Variants in SPNS2 observed in about 807,000 individuals in gnomAD.
SPNS2 encodes sphingosine-1-phosphate transporter SPNS2.
SPNS2 carries 37 observed loss-of-function variants against 57.6 expected under a neutral mutation model. That is an observed-to-expected ratio of 0.64 (90% CI 0.49 to 0.85). The LOEUF (loss-of-function observed/expected upper bound fraction) is 0.85. SPNS2 is among the 40% of genes least tolerant of loss of function. The pLI, the probability that SPNS2 is intolerant of heterozygous loss-of-function variation, is 0.00. For missense variants in SPNS2, 831 were observed against 779.1 expected (o/e 1.07, Z -0.79); for synonymous variants, 440 against 346.9 (o/e 1.27, Z -2.98).
intron 2 of SPNS2, among the ~76,000 whole-genome samples, chr17:4,518,865 C>G (rs1386850809): frequency 6.6e-6 from 1 of 152,220 alleles, no homozygotes; most frequent in African/African-American, 2.4e-5. Flanking sequence ...CCCCAAAGCC[C>G]TCCTTTTCAA....
rs1462112545 is a variant in SPNS2, at chr17:4,538,948, T to C, written c.*1500T>C. On this transcript the variant is annotated 3_prime_UTR_variant, in exon 13 of 13. Transcript: ENST00000329078. Reference sequence around the variant, plus strand: ...GAAGCCAAACTGCTCCTTTATTTTTTAGAGCTGCTGATTGTGAATCTCAGA... The same window carrying C: ...GAAGCCAAACTGCTCCTTTATTTTTCAGAGCTGCTGATTGTGAATCTCAGA... 2 of 784,570 alleles carry C rather than the reference T, an allele frequency of 2.5e-6. No individual in the cohort carries two copies. The highest frequency in any genetic ancestry group is 4.7e-6 in the Non-Finnish European group (2 of 421,410). The allele number at this position is 784,570 out of a possible 1,614,324, so 48.6% of individuals were successfully genotyped here.
chr17:4,517,031 TCA>T (rs1905014078), intron 2 of SPNS2, among the ~76,000 whole-genome samples: 2 of 152,236 alleles, frequency 1.3e-5, no homozygotes, highest in South Asian at 4.1e-4. Context: ...CCCGCCTGGC[TCA>T]GTTTCCGGGC....
chr17:4,531,107 C>T lies in SPNS2; in HGVS notation c.780C>T (p.His260=). 3 of 1,614,044 alleles carry T rather than the reference C, an allele frequency of 1.9e-6. No homozygotes were observed. The highest frequency in any genetic ancestry group is 1.1e-5 in the South Asian group (1 of 91,090). ...SSVKQAAGDW[H]WALRVSPVLG... ...TGAAGCAGGCAGCCGGAGACTGGCACTGGGCATTGCGGGTAAGCCCTACGT... is the reference window on the plus strand; with the variant it reads ...TGAAGCAGGCAGCCGGAGACTGGCATTGGGCATTGCGGGTAAGCCCTACGT... Residue 260 remains histidine (H), a synonymous_variant, in exon 5 of 13, where the codon CAC becomes CAT. Coordinates refer to ENST00000329078, the MANE Select transcript of SPNS2 (RefSeq NM_001124758.3).
chr17:4,538,481 A>G lies in SPNS2; in HGVS notation c.*1033A>G. 4.8e-6 allele frequency: 1 copy of G among 209,248 alleles called. No homozygotes were observed. Among genetic ancestry groups the G allele is most frequent in the Non-Finnish European group, 9.6e-6 (1 of 104,516 alleles). The allele number at this position is 209,248 out of a possible 1,614,324, so 13.0% of individuals were successfully genotyped here. On this transcript the variant is annotated 3_prime_UTR_variant, in exon 13 of 13. Transcript: ENST00000329078. Reference sequence around the variant, plus strand: ...CACCAAGTGACCCCAGGGGGGGGCCAGGCCTTCGATCACCCACCTCCCATC... The same window carrying G: ...CACCAAGTGACCCCAGGGGGGGGCCGGGCCTTCGATCACCCACCTCCCATC...
In SPNS2 at chr17:4,536,078, CGTG is replaced by C. The variant is rs778293835; in HGVS notation, c.1350_1352del (p.Val451del). ...TGACCTGCCCGCCTGTTCCGCAGTA[CGTG>C]GTCATCCCCACGCGGCGCGCCACTG... On this transcript the variant is annotated inframe_deletion, in exon 10 of 13. Transcript: ENST00000329078. 2.3e-5 allele frequency: 37 copies of C among 1,611,026 alleles called. No homozygotes were observed. The highest frequency in any genetic ancestry group is 3.1e-5 in the Non-Finnish European group (37 of 1,179,554).
At chr17:4,515,460 C>T (rs1490633748) in intron 2 of SPNS2, among the ~76,000 whole-genome samples, 4 of 152,090 alleles carry the variant, frequency 2.6e-5, no homozygotes, top group Admixed American at 6.5e-5. Context: ...GTCCCCAGGG[C>T]GGGTGCCTCT....
intron 2 of SPNS2, among the ~76,000 whole-genome samples, chr17:4,517,321 G>A (rs1210273974): frequency 1.6e-4 from 25 of 152,164 alleles, no homozygotes; most frequent in Admixed American, 1.6e-3. Context: ...GAGCCTGCAT[G>A]GGACACGGGA....
At position 4,532,681 on chromosome 17, in the gene SPNS2, G is replaced by T; in HGVS notation, c.932G>T (p.Arg311Leu). The T allele has an allele frequency of 2.5e-6, 4 of 1,613,704 alleles. No homozygotes were observed. Among genetic ancestry groups the T allele is most frequent in the Non-Finnish European group, 3.4e-6 (4 of 1,179,858 alleles). The change falls in exon 6 of 13, where the codon CGA becomes CTA. Residue 311 changes from arginine to leucine, a missense_variant. Arg to Leu is a moderately radical substitution (Grantham distance 102). Transcript: ENST00000329078. ...SWLRDMKALI[R>L]NRSYVFSSLA... ...CTCCGAGATATGAAGGCCCTGATTC[G>T]AAAGTGAGTACCGCGGGAAGGGGTC...
Position 4,499,009 on chromosome 17 carries a change from G to GCGCCCCC in SPNS2, c.-35_-29dup. On this transcript the variant is annotated 5_prime_UTR_variant, in exon 1 of 13. Coordinates refer to ENST00000329078, the MANE Select transcript of SPNS2 (RefSeq NM_001124758.3). The surrounding 1 kb of genome is among the most constrained non-coding windows in gnomAD (Gnocchi z 5.2). ...GCTGAGCGGGCCCAGCCTGGGCCCC[G>GCGCCCCC]CGCCCCCCGCGCCCCCCGCCGCCCC... 1 of 983,830 alleles carries GCGCCCCC rather than the reference G, an allele frequency of 1.0e-6. No individual in the cohort carries two copies. The allele number at this position is 983,830 out of a possible 1,614,324, so 60.9% of individuals were successfully genotyped here. A position where few individuals can be genotyped will look rare whatever the true frequency, so the allele number is the denominator to read the frequency against.
At chr17:4,535,022 C>G (rs557565909) in intron 9 of SPNS2, among the ~76,000 whole-genome samples, 1 of 152,224 alleles carries the variant, frequency 6.6e-6, no homozygotes, top group Non-Finnish European at 1.5e-5. Flanking sequence ...CGCCCCCCAC[C>G]TCTCCCGCAA....
Position 4,499,732 on chromosome 17 carries a change from G to A in SPNS2, c.370+315G>A. The A allele has an allele frequency of 4.1e-6, 1 of 240,980 alleles. No individual in the cohort carries two copies. The highest frequency in any genetic ancestry group is 7.1e-5 in the East Asian group (1 of 14,158). 14.9% of individuals were successfully genotyped at this position (240,980 alleles called of 1,614,324 possible). ...CCTCCTCTCCAAGAGTCTCCTCTGCGTCTCTCTGTCTCCTTGTCTCTGCGC... is the reference window on the plus strand; with the variant it reads ...CCTCCTCTCCAAGAGTCTCCTCTGCATCTCTCTGTCTCCTTGTCTCTGCGC... On this transcript the variant is annotated intron_variant, in intron 1 of 12. Coordinates refer to ENST00000329078, the MANE Select transcript of SPNS2 (RefSeq NM_001124758.3). This position sits in a 1 kb window ranked among gnomAD's most constrained non-coding sequence, Gnocchi z 5.2.
chr17:4,516,452 G>C (rs1904998371), intron 2 of SPNS2, among the ~76,000 whole-genome samples: 1 of 152,120 alleles, frequency 6.6e-6, no homozygotes, highest in Non-Finnish European at 1.5e-5. Flanking sequence ...GCCGTGTGCT[G>C]GGCTCTGCCC....
chr17:4,532,429 T>C, intron 5 of SPNS2, 113 bp from the exon 6 acceptor site: 3 of 1,482,076 alleles, frequency 2.0e-6, no homozygotes, highest in Non-Finnish European at 2.8e-6. Context: ...AGATACCTGC[T>C]CAGAGGAGAA....
chr17:4,536,929 C>G lies in SPNS2; in HGVS notation c.1637C>G (p.Ser546Cys), dbSNP rs759669296. 2 of 1,613,734 alleles carry G rather than the reference C, an allele frequency of 1.2e-6. No homozygotes were observed. The highest frequency in any genetic ancestry group is 1.7e-5 in the Admixed American group (1 of 59,972). The stretch of plus-strand genomic sequence containing the variant: ...AACCAGCTGGCGATGCCGCCCGCAT[C>G]TGTGAAAGTCTGAGGTGGTGAGTGC... Reference protein sequence around the residue: ...QVNQLAMPPASVKV With the variant: ...QVNQLAMPPACVKV Residue 546 changes from serine to cysteine, a missense_variant, in exon 12 of 13, where the codon TCT becomes TGT. Ser to Cys is a moderately radical substitution (Grantham distance 112, BLOSUM62 -1). Around this residue, in one of 2 missense-constraint regions of SPNS2, gnomAD observed 526 missense variants for 400.9 expected, o/e 1.31. Coordinates refer to ENST00000329078, the MANE Select transcript of SPNS2 (RefSeq NM_001124758.3).
At chr17:4,517,341 C>T (rs937578948) in intron 2 of SPNS2, among the ~76,000 whole-genome samples, 1 of 152,196 alleles carries the variant, frequency 6.6e-6, no homozygotes, top group Non-Finnish European at 1.5e-5. Flanking sequence ...ACAATTTCCA[C>T]TGAAGACAAA....
chr17:4,524,986 CGG>C, intron 2 of SPNS2, 69 bp from the exon 3 acceptor site: 1 of 1,579,222 alleles, frequency 6.3e-7, no homozygotes. Flanking sequence ...GGCCCCAAGC[CGG>C]AGTGAAATGG....
Position 4,512,778 on chromosome 17 carries a change from G to A in SPNS2, c.371-469G>A, listed in dbSNP as rs1393428378. On this transcript the variant is annotated intron_variant, in intron 1 of 12. Transcript: ENST00000329078. The surrounding 1 kb of genome is among the most constrained non-coding windows in gnomAD (Gnocchi z 5.2). ...TGTGCGTGTGTGTGCGAATGTGGTT[G>A]TGCACATGTGCAGGTGAACCAGAGT... Among the ~76,000 whole-genome samples the A allele has an allele frequency of 1.3e-5, 2 of 152,294 alleles. No individual in the cohort carries two copies. Among genetic ancestry groups the A allele is most frequent in the Non-Finnish European group, 2.9e-5 (2 of 68,004 alleles).
rs921150335 is a variant in SPNS2 at position 4,499,039 on chromosome 17, C to T, written c.-9C>T. ...CCCCGCGCCCCCCGCCGCCCCGATCCGGGCCGGCATGATGTGCCTGGAATG... is the reference window on the plus strand; with the variant it reads ...CCCCGCGCCCCCCGCCGCCCCGATCTGGGCCGGCATGATGTGCCTGGAATG... On this transcript the variant is annotated 5_prime_UTR_variant, in exon 1 of 13. Coordinates refer to ENST00000329078, the MANE Select transcript of SPNS2 (RefSeq NM_001124758.3). This position sits in a 1 kb window ranked among gnomAD's most constrained non-coding sequence, Gnocchi z 5.2. 1 of 1,006,214 alleles carries T rather than the reference C, an allele frequency of 9.9e-7. No individual in the cohort carries two copies. The highest frequency in any genetic ancestry group is 1.2e-6 in the Non-Finnish European group (1 of 845,272). 62.3% of individuals were successfully genotyped at this position (1,006,214 alleles called of 1,614,324 possible). A position where few individuals can be genotyped will look rare whatever the true frequency, so the allele number is the denominator to read the frequency against.
intron 2 of SPNS2, among the ~76,000 whole-genome samples, chr17:4,513,611 G>A (rs899337689): frequency 6.6e-6 from 1 of 152,142 alleles, no homozygotes; most frequent in Non-Finnish European, 1.5e-5. Flanking sequence ...GGGCCTCATC[G>A]GGACCCAGTG....
Sources: allele counts gnomAD v4.1 joint callset (sites outside exome capture counted in the v4.1 genomes callset), GRCh38; gene constraint gnomAD v4.1.1; regional missense constraint gnomAD v4.1.1; non-coding constraint Gnocchi (gnomAD v3.1); transcripts MANE v1.5; gene names NCBI Gene and HGNC (gene_info 2026-07-23, HGNC 2026-07-21).